Variants in CAMK2N2 observed in about 807,000 individuals in gnomAD.
CAMK2N2 encodes the protein calcium/calmodulin dependent protein kinase II inhibitor 2, also known as calcium/calmodulin-dependent protein kinase II inhibitor 2.
A neutral mutation model predicts 7.8 loss-of-function variants in CAMK2N2; 3 were observed. The observed-to-expected ratio is 0.38, with a 90% CI of 0.18 to 0.99. The LOEUF is 0.99. Ranked by LOEUF, CAMK2N2 falls within the 50% of genes least tolerant of loss-of-function variation. The pLI is 0.37. For synonymous variants in CAMK2N2, 45 were observed against 46.6 expected (o/e 0.97, Z 0.14); for missense variants, 85 against 108.4 (o/e 0.78, Z 0.96).
rs757441232 is a variant in CAMK2N2 at position 184,261,068 on chromosome 3, G to A, written c.169+49C>T. 735 of 1,517,734 alleles carry A rather than the reference G, an allele frequency of 4.8e-4. No homozygotes were observed. Among genetic ancestry groups the A allele is most frequent in the Middle Eastern group, 2.0e-3 (9 of 4,456 alleles). The allele number at this position is 1,517,734 out of a possible 1,614,324, so 94.0% of individuals were successfully genotyped here. ...GGGGAACGGCAGCCGGGGGGCGCCCGGCGGAGGGTTTCTGGGTCAGGCGGC... is the reference window on the plus strand; with the variant it reads ...GGGGAACGGCAGCCGGGGGGCGCCCAGCGGAGGGTTTCTGGGTCAGGCGGC... On this transcript the variant is annotated intron_variant, in intron 1 of 1. Transcript: ENST00000296238. This position sits in a 1 kb window ranked among gnomAD's most constrained non-coding sequence, Gnocchi z 5.1.
In CAMK2N2 at chr3:184,261,086, C is replaced by G; in HGVS notation, c.169+31G>C. 1 of 1,569,690 alleles carries G rather than the reference C, an allele frequency of 6.4e-7. No individual in the cohort carries two copies. Among genetic ancestry groups the G allele is most frequent in the African/African-American group, 1.4e-5 (1 of 71,552 alleles). The stretch of plus-strand genomic sequence containing the variant: ...GGCGCCCGGCGGAGGGTTTCTGGGT[C>G]AGGCGGCGACTCCGGGCCCGGGCCG... On this transcript the variant is annotated intron_variant, in intron 1 of 1. Transcript: ENST00000296238. The surrounding 1 kb of genome is among the most constrained non-coding windows in gnomAD (Gnocchi z 5.1).
Position 184,260,200 on chromosome 3 carries a change from T to G in CAMK2N2, c.197A>C (p.Asp66Ala). The change falls in exon 2 of 2, where the codon GAC becomes GCC. Residue 66 changes from aspartate (D) to alanine (A), a missense_variant. Transcript: ENST00000296238. This position sits in a 1 kb window ranked among gnomAD's most constrained non-coding sequence, Gnocchi z 6.6. ...CTTCTCCCCCATCCCCTTCAGCACGTCGTCTATCCGGTCATCCTCGATCAC... is the reference window on the plus strand; with the variant it reads ...CTTCTCCCCCATCCCCTTCAGCACGGCGTCTATCCGGTCATCCTCGATCAC... Reference protein sequence around the residue: ...RVVIEDDRIDDVLKGMGEKPP... With the variant: ...RVVIEDDRIDAVLKGMGEKPP... 1 of 1,609,638 alleles carries G rather than the reference T, an allele frequency of 6.2e-7. No homozygotes were observed. The highest frequency in any genetic ancestry group is 8.5e-7 in the Non-Finnish European group (1 of 1,178,100).
chr3:184,261,144 G>C lies in CAMK2N2; in HGVS notation c.142C>G (p.Leu48Val). 6.2e-7 allele frequency: 1 copy of C among 1,606,190 alleles called. No homozygotes were observed. Among genetic ancestry groups the C allele is most frequent in the Non-Finnish European group, 8.5e-7 (1 of 1,177,326 alleles). The change falls in exon 1 of 2, where the codon CTG becomes GTG. Residue 48 changes from leucine to valine, a missense_variant. By Grantham distance (32) the Leu-to-Val change is conservative. Coordinates refer to ENST00000296238, the MANE Select transcript of CAMK2N2 (RefSeq NM_033259.3). The surrounding 1 kb of genome is among the most constrained non-coding windows in gnomAD (Gnocchi z 5.1). ...AGNQAKRPPK[L>V]GQIGRAKRVV... ...CGCTTGGCTCGGCCGATCTGGCCCA[G>C]CTTGGGGGGTCGCTTGGCCTGGTTG...
rs546334546 is a variant in CAMK2N2 at position 184,260,836 on chromosome 3, T to A, written c.169+281A>T. 6.6e-6 allele frequency among the ~76,000 whole-genome samples: 1 copy of A among 152,222 alleles called. No homozygotes were observed. The highest frequency in any genetic ancestry group is 1.5e-5 in the Non-Finnish European group (1 of 68,032). ...CCGTTACCCCGTGCTCCCACTTCCG[T>A]GCAGCCCCAAATGCCCCGACCGGCC... On this transcript the variant is annotated intron_variant, in intron 1 of 1. Coordinates refer to ENST00000296238, the MANE Select transcript of CAMK2N2 (RefSeq NM_033259.3). The surrounding 1 kb of genome is among the most constrained non-coding windows in gnomAD (Gnocchi z 6.6).
In CAMK2N2 at chr3:184,261,090, C is replaced by A. The variant is rs746095879; in HGVS notation, c.169+27G>T. 3.8e-6 allele frequency: 6 copies of A among 1,578,526 alleles called. No individual in the cohort carries two copies. The highest frequency in any genetic ancestry group is 2.4e-5 in the East Asian group (1 of 41,860). Reference sequence around the variant, plus strand: ...CCCGGCGGAGGGTTTCTGGGTCAGGCGGCGACTCCGGGCCCGGGCCGCGTA... The same window carrying A: ...CCCGGCGGAGGGTTTCTGGGTCAGGAGGCGACTCCGGGCCCGGGCCGCGTA... On this transcript the variant is annotated intron_variant, in intron 1 of 1. Transcript: ENST00000296238. This position sits in a 1 kb window ranked among gnomAD's most constrained non-coding sequence, Gnocchi z 5.1.
Position 184,260,006 on chromosome 3 carries a change from G to C in CAMK2N2, c.*151C>G, listed in dbSNP as rs1387123327. On this transcript the variant is annotated 3_prime_UTR_variant, in exon 2 of 2. Transcript: ENST00000296238. This position sits in a 1 kb window ranked among gnomAD's most constrained non-coding sequence, Gnocchi z 6.6. ...CCGTGGTGCTGAAGCGGACAGCTCCGGAGTGCCTGGCGGCGGCGGCGGCAC... is the reference window on the plus strand; with the variant it reads ...CCGTGGTGCTGAAGCGGACAGCTCCCGAGTGCCTGGCGGCGGCGGCGGCAC... The C allele has an allele frequency of 5.1e-6, 1 of 197,310 alleles. No individual in the cohort carries two copies. Among genetic ancestry groups the C allele is most frequent in the South Asian group, 1.7e-4 (1 of 5,802 alleles). 12.2% of individuals were successfully genotyped at this position (197,310 alleles called of 1,614,324 possible). A position where few individuals can be genotyped will look rare whatever the true frequency, so the allele number is the denominator to read the frequency against.
At position 184,261,032 on chromosome 3, in the gene CAMK2N2, G is replaced by C; in HGVS notation, c.169+85C>G. The C allele has an allele frequency of 7.2e-7, 1 of 1,398,024 alleles. No individual in the cohort carries two copies. Among genetic ancestry groups the C allele is most frequent in the Non-Finnish European group, 9.4e-7 (1 of 1,062,556 alleles). The allele number at this position is 1,398,024 out of a possible 1,614,324, so 86.6% of individuals were successfully genotyped here. A position where few individuals can be genotyped will look rare whatever the true frequency, so the allele number is the denominator to read the frequency against. On this transcript the variant is annotated intron_variant, in intron 1 of 1. Transcript: ENST00000296238. This position sits in a 1 kb window ranked among gnomAD's most constrained non-coding sequence, Gnocchi z 5.1. ...TGCGCTGGTCTGCGGCAAGAGCTGCGGGCACTCGGCGGGGAACGGCAGCCG... is the reference window on the plus strand; with the variant it reads ...TGCGCTGGTCTGCGGCAAGAGCTGCCGGCACTCGGCGGGGAACGGCAGCCG...
rs1043510545 is a variant in CAMK2N2 at position 184,260,978 on chromosome 3, C to A, written c.169+139G>T. The A allele has an allele frequency of 1.6e-5, 14 of 887,944 alleles. No individual in the cohort carries two copies. The highest frequency in any genetic ancestry group is 1.5e-4 in the African/African-American group (8 of 55,120). The allele number at this position is 887,944 out of a possible 1,614,324, so 55.0% of individuals were successfully genotyped here. On this transcript the variant is annotated intron_variant, in intron 1 of 1. Transcript: ENST00000296238. The surrounding 1 kb of genome is among the most constrained non-coding windows in gnomAD (Gnocchi z 6.6). ...GACACACACTGCAGCGGGGACCCCC[C>A]CCTCCAGCCCGGGCTGGAGAGCGGC...
rs1719980666 is a variant in CAMK2N2, at chr3:184,260,022, G to A, written c.*135C>T. On this transcript the variant is annotated 3_prime_UTR_variant, in exon 2 of 2. Coordinates refer to ENST00000296238, the MANE Select transcript of CAMK2N2 (RefSeq NM_033259.3). This position sits in a 1 kb window ranked among gnomAD's most constrained non-coding sequence, Gnocchi z 6.6. ...GACAGCTCCGGAGTGCCTGGCGGCGGCGGCGGCACGGCCCTGCAGCCCCCG... is the reference window on the plus strand; with the variant it reads ...GACAGCTCCGGAGTGCCTGGCGGCGACGGCGGCACGGCCCTGCAGCCCCCG... 2 of 245,680 alleles carry A rather than the reference G, an allele frequency of 8.1e-6. No individual in the cohort carries two copies. The highest frequency in any genetic ancestry group is 1.3e-5 in the Non-Finnish European group (2 of 156,050). 15.2% of individuals were successfully genotyped at this position (245,680 alleles called of 1,614,324 possible).
In CAMK2N2 at chr3:184,260,333, G is replaced by T; in HGVS notation, c.170-106C>A. 1 of 1,063,962 alleles carries T rather than the reference G, an allele frequency of 9.4e-7. No individual in the cohort carries two copies. Among genetic ancestry groups the T allele is most frequent in the Admixed American group, 2.0e-5 (1 of 49,130 alleles). 65.9% of individuals were successfully genotyped at this position (1,063,962 alleles called of 1,614,324 possible). A position where few individuals can be genotyped will look rare whatever the true frequency, so the allele number is the denominator to read the frequency against. Reference sequence around the variant, plus strand: ...GCGCAGCTACTGCCCGTGGCCCAGCGACGCCCCTCGGAACCCTGTGCCGCG... The same window carrying T: ...GCGCAGCTACTGCCCGTGGCCCAGCTACGCCCCTCGGAACCCTGTGCCGCG... On this transcript the variant is annotated intron_variant, in intron 1 of 1. Coordinates refer to ENST00000296238, the MANE Select transcript of CAMK2N2 (RefSeq NM_033259.3). This position sits in a 1 kb window ranked among gnomAD's most constrained non-coding sequence, Gnocchi z 6.6.
At position 184,259,812 on chromosome 3, in the gene CAMK2N2, G is replaced by A. The variant is rs1719968346; in HGVS notation, c.*345C>T. ...CCCGGTCTGCAGACCAGACTGGCCG[G>A]AGGGGGGCGGGGCAGGGGAGCCGTG... On this transcript the variant is annotated 3_prime_UTR_variant, in exon 2 of 2. Coordinates refer to ENST00000296238, the MANE Select transcript of CAMK2N2 (RefSeq NM_033259.3). 6.6e-6 allele frequency: 1 copy of A among 150,698 alleles called. No individual in the cohort carries two copies. The highest frequency in any genetic ancestry group is 1.5e-5 in the Non-Finnish European group (1 of 67,274). The allele number at this position is 150,698 out of a possible 1,614,324, so 9.3% of individuals were successfully genotyped here. A position where few individuals can be genotyped will look rare whatever the true frequency, so the allele number is the denominator to read the frequency against.
chr3:184,259,557 C>T lies in CAMK2N2; in HGVS notation c.*600G>A, dbSNP rs968371734. On this transcript the variant is annotated 3_prime_UTR_variant, in exon 2 of 2. Transcript: ENST00000296238. ...TCTGCCAGGCGCAGAAGAGCGTGGC[C>T]GAGACTGAGGGGAGGGCAGGAACCA... 4.8e-4 allele frequency: 74 copies of T among 152,726 alleles called. No homozygotes were observed. The highest frequency in any genetic ancestry group is 2.9e-5 in the Non-Finnish European group (2 of 68,112). 9.5% of individuals were successfully genotyped at this position (152,726 alleles called of 1,614,324 possible).
chr3:184,261,288 C>CGGGCGCGGGGT lies in CAMK2N2; in HGVS notation c.-14_-4dup, dbSNP rs1560173999. On this transcript the variant is annotated 5_prime_UTR_variant, in exon 1 of 2. Coordinates refer to ENST00000296238, the MANE Select transcript of CAMK2N2 (RefSeq NM_033259.3). This position sits in a 1 kb window ranked among gnomAD's most constrained non-coding sequence, Gnocchi z 5.1. ...CTGTAGGGCAGGATCTCGGACATGG[C>CGGGCGCGGGGT]GGGCGCGGGGTGGGCGCGGGGCGGG... is the stretch of plus-strand genomic sequence containing the variant. 9 of 1,343,700 alleles carry CGGGCGCGGGGT rather than the reference C, an allele frequency of 6.7e-6. No individual in the cohort carries two copies. The Admixed American group carries it at 7.2e-5, about 11-fold the overall frequency. The allele number at this position is 1,343,700 out of a possible 1,614,324, so 83.2% of individuals were successfully genotyped here.
rs1384873816 is a variant in CAMK2N2 at position 184,260,443 on chromosome 3, C to T, written c.170-216G>A. Among the ~76,000 whole-genome samples, 2 of 152,230 alleles carry T rather than the reference C, an allele frequency of 1.3e-5. No individual in the cohort carries two copies. Among genetic ancestry groups the T allele is most frequent in the Non-Finnish European group, 2.9e-5 (2 of 68,038 alleles). ...CCCCTCCCGATGGCGGAACGCCCCT[C>T]TTCCAAAGGCTCCAGCTATTCTCCC... On this transcript the variant is annotated intron_variant, in intron 1 of 1. Transcript: ENST00000296238. The surrounding 1 kb of genome is among the most constrained non-coding windows in gnomAD (Gnocchi z 6.6).
Position 184,260,654 on chromosome 3 carries a change from C to T in CAMK2N2, c.170-427G>A, listed in dbSNP as rs369660861. ...CTGAGCCCTCTCGCCGCTGGAACCC[C>T]TCTTCCGATCCTGGCACCAACAGAG... On this transcript the variant is annotated intron_variant, in intron 1 of 1. Coordinates refer to ENST00000296238, the MANE Select transcript of CAMK2N2 (RefSeq NM_033259.3). The surrounding 1 kb of genome is among the most constrained non-coding windows in gnomAD (Gnocchi z 6.6). Among the ~76,000 whole-genome samples the T allele has an allele frequency of 9.8e-5, 15 of 152,334 alleles. No homozygotes were observed. The East Asian group carries it at 2.7e-3, about 27-fold the overall frequency.
chr3:184,260,088 C>T lies in CAMK2N2; in HGVS notation c.*69G>A. The T allele has an allele frequency of 4.4e-6, 4 of 913,078 alleles. No individual in the cohort carries two copies. The highest frequency in any genetic ancestry group is 5.3e-6 in the Non-Finnish European group (4 of 757,100). 56.6% of individuals were successfully genotyped at this position (913,078 alleles called of 1,614,324 possible). A position where few individuals can be genotyped will look rare whatever the true frequency, so the allele number is the denominator to read the frequency against. On this transcript the variant is annotated 3_prime_UTR_variant, in exon 2 of 2. Coordinates refer to ENST00000296238, the MANE Select transcript of CAMK2N2 (RefSeq NM_033259.3). This position sits in a 1 kb window ranked among gnomAD's most constrained non-coding sequence, Gnocchi z 6.6. The stretch of plus-strand genomic sequence containing the variant: ...GCCGGGGCGGGGGGGCGCCGGCAGC[C>T]GCATCGCCGGCCCGCGCTCCTGGCC...
Position 184,261,057 on chromosome 3 carries a change from G to T in CAMK2N2, c.169+60C>A, listed in dbSNP as rs977448617. 3 of 1,469,704 alleles carry T rather than the reference G, an allele frequency of 2.0e-6. No individual in the cohort carries two copies. Among genetic ancestry groups the T allele is most frequent in the South Asian group, 1.3e-5 (1 of 78,216 alleles). The allele number at this position is 1,469,704 out of a possible 1,614,324, so 91.0% of individuals were successfully genotyped here. On this transcript the variant is annotated intron_variant, in intron 1 of 1. Coordinates refer to ENST00000296238, the MANE Select transcript of CAMK2N2 (RefSeq NM_033259.3). The surrounding 1 kb of genome is among the most constrained non-coding windows in gnomAD (Gnocchi z 5.1). ...GGGCACTCGGCGGGGAACGGCAGCC[G>T]GGGGGCGCCCGGCGGAGGGTTTCTG...
rs1043510545 is a variant in CAMK2N2, at chr3:184,260,978, C to T, written c.169+139G>A. On this transcript the variant is annotated intron_variant, in intron 1 of 1. Transcript: ENST00000296238. The surrounding 1 kb of genome is among the most constrained non-coding windows in gnomAD (Gnocchi z 6.6). ...GACACACACTGCAGCGGGGACCCCC[C>T]CCTCCAGCCCGGGCTGGAGAGCGGC... 15 of 887,948 alleles carry T rather than the reference C, an allele frequency of 1.7e-5. No individual in the cohort carries two copies. The highest frequency in any genetic ancestry group is 5.4e-5 in the African/African-American group (3 of 55,120). The allele number at this position is 887,948 out of a possible 1,614,324, so 55.0% of individuals were successfully genotyped here. A position where few individuals can be genotyped will look rare whatever the true frequency, so the allele number is the denominator to read the frequency against.
chr3:184,260,711 C>A lies in CAMK2N2; in HGVS notation c.169+406G>T, dbSNP rs975849638. Among the ~76,000 whole-genome samples, 1 of 152,216 alleles carries A rather than the reference C, an allele frequency of 6.6e-6. No homozygotes were observed. Among genetic ancestry groups the A allele is most frequent in the Non-Finnish European group, 1.5e-5 (1 of 68,036 alleles). ...TCCCCATGCAAACAACCAAGACAAG[C>A]GGACCCCCGGCCTCCTGCCCTCTCT... is the stretch of plus-strand genomic sequence containing the variant. On this transcript the variant is annotated intron_variant, in intron 1 of 1. Transcript: ENST00000296238. This position sits in a 1 kb window ranked among gnomAD's most constrained non-coding sequence, Gnocchi z 6.6.
Sources: allele counts gnomAD v4.1 joint callset (sites outside exome capture counted in the v4.1 genomes callset), GRCh38; gene constraint gnomAD v4.1.1; non-coding constraint Gnocchi (gnomAD v3.1); transcripts MANE v1.5; gene names NCBI Gene and HGNC (gene_info 2026-07-23, HGNC 2026-07-21).